Variants in DPP6 observed in about 807,000 individuals in gnomAD.
DPP6 encodes the protein dipeptidyl peptidase like 6.
DPP6 carries 69 observed loss-of-function variants against 122.6 expected under a neutral mutation model. That is an observed-to-expected ratio of 0.56 (90% CI 0.46 to 0.69). The LOEUF is 0.69. Ranked by LOEUF, DPP6 falls within the 30% of genes least tolerant of loss-of-function variation. The probability of loss-of-function intolerance (pLI) is 0.00; values close to 1 mark genes in which losing one functional copy is unlikely to be tolerated. For missense variants in DPP6, 928 were observed against 1,116.9 expected (o/e 0.83, Z 2.41); for synonymous variants, 418 against 433.1 (o/e 0.97, Z 0.43).
chr7:153,830,933 C>T, the DPP6 span, among the ~76,000 whole-genome samples: 1 of 152,182 alleles, frequency 6.6e-6, no homozygotes, highest in Non-Finnish European at 1.5e-5. Flanking sequence ...TTATTTGATT[C>T]ACTTAGCGTC....
chr7:154,077,661 T>TTTA (rs796854345), intron 1 of DPP6, among the ~76,000 whole-genome samples: 61 of 148,084 alleles, frequency 4.1e-4, no homozygotes, highest in South Asian at 1.3e-3. Flanking sequence ...ATAGATTTTA[T>TTTA]TTATTATTAT....
At chr7:154,709,835 T>C (rs1245737622) in intron 7 of DPP6, among the ~76,000 whole-genome samples, 1 of 152,168 alleles carries the variant, frequency 6.6e-6, no homozygotes, top group African/African-American at 2.4e-5. Flanking sequence ...ATTCCCACCA[T>C]CATCCAGTTT....
At chr7:154,883,796 G>T (rs62649267) in intron 21 of DPP6, 42,140 of 122,742 alleles carry the variant, frequency 0.34, 6,509 homozygotes, top group Middle Eastern at 0.56. Context: ...TACATACACC[G>T]ACTCACGCAC....
At chr7:154,444,693 G>C (rs1314464941) in intron 1 of DPP6, among the ~76,000 whole-genome samples, 1 of 152,180 alleles carries the variant, frequency 6.6e-6, no homozygotes, top group Non-Finnish European at 1.5e-5. Flanking sequence ...ATTCCTGCTA[G>C]TCACAGACTT....
intron 5 of DPP6, among the ~76,000 whole-genome samples, chr7:154,623,527 G>C (rs973952519): frequency 1.8e-4 from 27 of 152,248 alleles, no homozygotes; most frequent in African/African-American, 6.3e-4. Context: ...AAAGGGGAGA[G>C]GATTTTACAA....
intron 1 of DPP6, among the ~76,000 whole-genome samples, chr7:153,968,031 A>C (rs910866132): frequency 2.0e-5 from 3 of 150,570 alleles, no homozygotes; most frequent in African/African-American, 7.5e-5. Flanking sequence ...ATATGCATAC[A>C]CGTATCTTTT....
intron 1 of DPP6, among the ~76,000 whole-genome samples, chr7:154,138,160 ACT>A (rs2150654207): frequency 6.6e-6 from 1 of 152,262 alleles, no homozygotes; most frequent in South Asian, 2.1e-4. Flanking sequence ...TGCTTCATTT[ACT>A]CTCTCAGAAG....
chr7:153,846,739 C>T, the DPP6 span, among the ~76,000 whole-genome samples: 2 of 128,614 alleles, frequency 1.6e-5, no homozygotes, highest in East Asian at 2.4e-4. Flanking sequence ...GTTACCCAGG[C>T]TGGAGTGCAG....
intron 1 of DPP6, among the ~76,000 whole-genome samples, chr7:154,056,501 C>CTT (rs1800828200): frequency 6.6e-6 from 1 of 151,988 alleles, no homozygotes; most frequent in East Asian, 1.9e-4. Flanking sequence ...TTTTAAAGGG[C>CTT]TTTGGAGGCC....
intron 1 of DPP6, among the ~76,000 whole-genome samples, chr7:154,114,641 G>A (rs562346203): frequency 6.6e-6 from 1 of 152,102 alleles, no homozygotes; most frequent in Non-Finnish European, 1.5e-5. Context: ...ATCCAACTCC[G>A]TTGCTCAACT....
intron 1 of DPP6, among the ~76,000 whole-genome samples, chr7:154,314,885 A>G (rs1807296100): frequency 6.6e-6 from 1 of 152,210 alleles, no homozygotes; most frequent in South Asian, 2.1e-4. Context: ...TGGGTTAACA[A>G]ATTCTCGCCT....
chr7:154,413,122 A>G (rs2151210196), intron 1 of DPP6, among the ~76,000 whole-genome samples: 1 of 152,272 alleles, frequency 6.6e-6, no homozygotes, highest in East Asian at 1.9e-4. Context: ...AAAGTGAGAG[A>G]CACGCTGCCC....
intron 1 of DPP6, among the ~76,000 whole-genome samples, chr7:154,406,096 A>G (rs1051092691): frequency 3.9e-5 from 6 of 152,202 alleles, no homozygotes; most frequent in Non-Finnish European, 7.3e-5. Flanking sequence ...GGCATGCTGT[A>G]AAGTCTATGC....
At chr7:153,881,894 G>A in the DPP6 span, among the ~76,000 whole-genome samples, 1 of 152,166 alleles carries the variant, frequency 6.6e-6, no homozygotes, top group African/African-American at 2.4e-5. Flanking sequence ...GACCCCAGGA[G>A]CCCTGCCATC....
At chr7:154,530,182 G>C (rs760301895) in intron 3 of DPP6, among the ~76,000 whole-genome samples, 4 of 151,854 alleles carry the variant, frequency 2.6e-5, no homozygotes, top group Non-Finnish European at 5.9e-5. Context: ...AATGAACAGG[G>C]AGAAAATTTG....
At chr7:154,147,615 G>C (rs1796171940) in intron 1 of DPP6, among the ~76,000 whole-genome samples, 1 of 151,802 alleles carries the variant, frequency 6.6e-6, no homozygotes, top group Non-Finnish European at 1.5e-5. Flanking sequence ...GAGTAGCTGG[G>C]ATTACAGGCA....
intron 1 of DPP6, among the ~76,000 whole-genome samples, chr7:154,248,288 G>T (rs1360306777): frequency 6.6e-6 from 1 of 152,194 alleles, no homozygotes; most frequent in East Asian, 1.9e-4. Flanking sequence ...CAAGAAAGAA[G>T]GCTGCGCTTC....
At chr7:154,619,640 T>C (rs1834507604) in intron 5 of DPP6, among the ~76,000 whole-genome samples, 1 of 152,312 alleles carries the variant, frequency 6.6e-6, no homozygotes, top group South Asian at 2.1e-4. Context: ...AGGGATGGAA[T>C]TGACAGCAGA....
At chr7:154,068,029 T>C (rs1802865023) in intron 1 of DPP6, among the ~76,000 whole-genome samples, 1 of 151,502 alleles carries the variant, frequency 6.6e-6, no homozygotes, top group Admixed American at 6.5e-5. Context: ...CCCAAAGTAC[T>C]GGGATTACAG....
Sources: allele counts gnomAD v4.1 joint callset (sites outside exome capture counted in the v4.1 genomes callset), GRCh38; gene constraint gnomAD v4.1.1; transcripts MANE v1.5; gene names NCBI Gene and HGNC (gene_info 2026-07-23, HGNC 2026-07-21).